KMT2C: variants seen among roughly 807,000 people sequenced by gnomAD.
The protein encoded by KMT2C is lysine methyltransferase 2C.
KMT2C carries 88 observed loss-of-function variants against 507.9 expected under a neutral mutation model. The ratio of observed to expected loss-of-function variants is 0.17; its 90% CI spans 0.15 to 0.21. The LOEUF is 0.21. Ranked by LOEUF, KMT2C falls within the 10% of genes least tolerant of loss-of-function variation. KMT2C has a pLI of 1.00. For synonymous variants in KMT2C, 2,049 were observed against 2,080.8 expected (o/e 0.98, Z 0.42); for missense variants, 4,954 against 5,957.8 (o/e 0.83, Z 5.55).
intron 3 of KMT2C, among the ~76,000 whole-genome samples, chr7:152,329,842 A>G (rs2096864033): frequency 6.6e-6 from 1 of 152,048 alleles, no homozygotes; most frequent in Non-Finnish European, 1.5e-5. Flanking sequence ...TTCAAAGCTG[A>G]ATTATACAAT....
Position 152,177,980 on chromosome 7 carries a change from G to A in KMT2C, c.7473C>T (p.Thr2491=), listed in dbSNP as rs2129115747. The change falls in exon 38 of 59, where the codon ACC becomes ACT. Residue 2491 remains threonine (T), a synonymous_variant. Transcript: ENST00000262189. ...RFGFPGGSHG[T]MPSQERFLVP... is the part of the protein sequence containing the mutation. Reference sequence around the variant, plus strand: ...CAAGGAAGCGCTCTTGACTCGGCATGGTACCATGACTACCTCCTGGAAATC... The same window carrying A: ...CAAGGAAGCGCTCTTGACTCGGCATAGTACCATGACTACCTCCTGGAAATC... 1 of 1,339,090 alleles carries A rather than the reference G, an allele frequency of 7.5e-7. No individual in the cohort carries two copies. Among genetic ancestry groups the A allele is most frequent in the Non-Finnish European group, 9.8e-7 (1 of 1,025,054 alleles). 83.0% of individuals were successfully genotyped at this position (1,339,090 alleles called of 1,614,324 possible). A position where few individuals can be genotyped will look rare whatever the true frequency, so the allele number is the denominator to read the frequency against.
chr7:152,287,179 A>G (rs1442800572), intron 6 of KMT2C, among the ~76,000 whole-genome samples: 1 of 152,202 alleles, frequency 6.6e-6, no homozygotes, highest in East Asian at 1.9e-4. Flanking sequence ...CCACCCAGTG[A>G]TAAGGACATA....
At chr7:152,231,561 G>A (rs1488484763) in intron 16 of KMT2C, among the ~76,000 whole-genome samples, 6 of 152,218 alleles carry the variant, frequency 3.9e-5, no homozygotes, top group Non-Finnish European at 8.8e-5. Flanking sequence ...TGGGTGGATC[G>A]CTTGAGCTCA....
intron 16 of KMT2C, among the ~76,000 whole-genome samples, chr7:152,235,101 A>T (rs1370728868): frequency 6.6e-6 from 1 of 152,032 alleles, no homozygotes; most frequent in African/African-American, 2.4e-5. Context: ...AATCTTGGGG[A>T]CAAGGACGGA....
chr7:152,376,670 G>C (rs1372971425), intron 1 of KMT2C, among the ~76,000 whole-genome samples: 1 of 152,200 alleles, frequency 6.6e-6, no homozygotes, highest in Non-Finnish European at 1.5e-5. Flanking sequence ...CTGGAAGCAA[G>C]TAGAGATTGG....
intron 1 of KMT2C, among the ~76,000 whole-genome samples, chr7:152,387,644 G>C (rs1228221726): frequency 1.3e-5 from 2 of 152,088 alleles, no homozygotes; most frequent in Admixed American, 6.5e-5. Context: ...CTAATTTTTT[G>C]TATTTTTTAG....
intron 6 of KMT2C, among the ~76,000 whole-genome samples, chr7:152,280,840 C>T (rs202237109): frequency 6.6e-6 from 1 of 152,050 alleles, no homozygotes; most frequent in African/African-American, 2.4e-5. Context: ...ATCACTATTA[C>T]ATTTTTAAGA....
At chr7:152,255,729 T>C (rs984707345) in intron 9 of KMT2C, among the ~76,000 whole-genome samples, 9 of 152,168 alleles carry the variant, frequency 5.9e-5, no homozygotes, top group Non-Finnish European at 1.2e-4. Context: ...AAATCTAACA[T>C]TGTAGTCTGG....
intron 3 of KMT2C, among the ~76,000 whole-genome samples, chr7:152,316,086 T>C (rs2096720275): frequency 6.6e-6 from 1 of 152,062 alleles, no homozygotes; most frequent in Admixed American, 6.6e-5. Context: ...CGGGGAGATA[T>C]AAAAATATAA....
In KMT2C at chr7:152,177,115, G is replaced by T. The variant is rs200835623; in HGVS notation, c.8338C>A (p.Pro2780Thr). The change falls in exon 38 of 59, where the codon CCA becomes ACA. Residue 2780 changes from proline (P) to threonine (T), a missense_variant. By Grantham distance (38) the Pro-to-Thr change is conservative (BLOSUM62 -1). Around this residue, in one of 29 missense-constraint regions of KMT2C, gnomAD observed 1,689 missense variants for 1,654.3 expected, o/e 1.02. Transcript: ENST00000262189. ...KSMFNEELDL[P>T]IDDKLDNQCV... is the part of the protein sequence containing the mutation. ...TGATTATCTAACTTATCATCAATTGGAAGGTCTAGTTCCTCATTAAACATG... is the reference window on the plus strand; with the variant it reads ...TGATTATCTAACTTATCATCAATTGTAAGGTCTAGTTCCTCATTAAACATG... 1 of 1,613,046 alleles carries T rather than the reference G, an allele frequency of 6.2e-7. No individual in the cohort carries two copies. The highest frequency in any genetic ancestry group is 1.3e-5 in the African/African-American group (1 of 74,926).
rs2093214829 is a variant in KMT2C at position 152,176,446 on chromosome 7, T to C, written c.9007A>G (p.Ser3003Gly). 1 of 1,614,120 alleles carries C rather than the reference T, an allele frequency of 6.2e-7. No homozygotes were observed. Residue 3003 changes from serine (S) to glycine (G), a missense_variant, in exon 38 of 59, where the codon AGT (serine) becomes GGT (glycine). By Grantham distance (56) the Ser-to-Gly change is moderately conservative. This residue lies in a region of KMT2C where 1,689 missense variants were observed against 1,654.3 expected (regional missense o/e 1.02). Transcript: ENST00000262189. ...GTTGCAGGTTTTCCTGTCCCCAGAC[T>C]GTGGTTAACTGTTGATTGACCTGGA... ...LIPGQSTVNH[S>G]LGTGKPATQT... is the part of the protein sequence containing the mutation.
chr7:152,425,723 A>G (rs1264374576), intron 1 of KMT2C, among the ~76,000 whole-genome samples: 1 of 152,196 alleles, frequency 6.6e-6, no homozygotes, highest in South Asian at 2.1e-4. Context: ...CCATATGACT[A>G]GAATCCCAAA....
intron 36 of KMT2C, among the ~76,000 whole-genome samples, 159 bp from the exon 37 acceptor site, chr7:152,180,285 A>G (rs144347670): frequency 1.3e-5 from 2 of 152,282 alleles, no homozygotes; most frequent in African/African-American, 4.8e-5. Flanking sequence ...CCTCTCAAGT[A>G]GCTGGGATTA....
intron 2 of KMT2C, among the ~76,000 whole-genome samples, chr7:152,348,909 C>T (rs1049890469): frequency 3.9e-5 from 6 of 152,098 alleles, no homozygotes; most frequent in African/African-American, 7.2e-5. Context: ...TGGTTCCTTA[C>T]AAAACTAAAC....
intron 6 of KMT2C, among the ~76,000 whole-genome samples, chr7:152,304,902 C>T (rs1416379978): frequency 6.6e-6 from 1 of 152,128 alleles, no homozygotes; most frequent in African/African-American, 2.4e-5. Flanking sequence ...ATAGCTATAT[C>T]GCCCCTAGGG....
intron 1 of KMT2C, among the ~76,000 whole-genome samples, chr7:152,377,176 T>C (rs2097335276): frequency 6.6e-6 from 1 of 152,298 alleles, no homozygotes; most frequent in African/African-American, 2.4e-5. Context: ...TGTCTACATA[T>C]GGAACAACAG....
intron 42 of KMT2C, among the ~76,000 whole-genome samples, chr7:152,166,131 T>A (rs1478238305): frequency 1.3e-5 from 2 of 151,732 alleles, no homozygotes; most frequent in Non-Finnish European, 2.9e-5. Flanking sequence ...ACATTTTTTT[T>A]TTTTTTTTTT....
chr7:152,236,573 A>C (rs1040227845), intron 15 of KMT2C, among the ~76,000 whole-genome samples: 5 of 152,232 alleles, frequency 3.3e-5, no homozygotes, highest in Non-Finnish European at 5.9e-5. Context: ...GTGTTGTGTA[A>C]CAGTATTCTT....
At chr7:152,171,445 AG>A in intron 39 of KMT2C, 103 bp from the exon 40 acceptor site, 2 of 670,444 alleles carry the variant, frequency 3.0e-6, no homozygotes, top group Non-Finnish European at 4.8e-6. Flanking sequence ...CTTCCAGAGA[AG>A]AACAGTGGCA....
Sources: allele counts gnomAD v4.1 joint callset (sites outside exome capture counted in the v4.1 genomes callset), GRCh38; gene constraint gnomAD v4.1.1; regional missense constraint gnomAD v4.1.1; transcripts MANE v1.5; gene names NCBI Gene and HGNC (gene_info 2026-07-23, HGNC 2026-07-21).